Variants in TENM3 observed in about 807,000 individuals in gnomAD.
TENM3 encodes teneurin transmembrane protein 3, also known as teneurin-3.
Under a neutral mutation model 255.1 loss-of-function variants are expected in TENM3, and 63 were observed. The ratio of observed to expected loss-of-function variants is 0.25; its 90% confidence interval spans 0.20 to 0.30. The LOEUF is 0.30. Ranked by LOEUF, TENM3 falls within the 10% of genes least tolerant of loss-of-function variation. The pLI, the probability that TENM3 is intolerant of heterozygous loss-of-function variation, is 1.00. For synonymous variants in TENM3, 1,306 were observed against 1,322.3 expected (o/e 0.99, Z 0.27); for missense variants, 2,929 against 3,461.1 (o/e 0.85, Z 3.86).
chr4:182,347,788 G>A (rs750795199), intron 3 of TENM3, among the ~76,000 whole-genome samples: 2 of 152,112 alleles, frequency 1.3e-5, no homozygotes, highest in Non-Finnish European at 2.9e-5. Flanking sequence ...TTCTCCTTCC[G>A]CTTTTAATAT....
chr4:181,860,696 A>G, the TENM3 span, among the ~76,000 whole-genome samples: 6 of 152,354 alleles, frequency 3.9e-5, no homozygotes, highest in East Asian at 1.9e-4. Flanking sequence ...CACACATAAT[A>G]TAATATTTCA....
chr4:181,462,170 G>A, the TENM3 span, among the ~76,000 whole-genome samples: 1 of 152,168 alleles, frequency 6.6e-6, no homozygotes, highest in East Asian at 1.9e-4. Context: ...GTGTCATGAT[G>A]TCTTTCCTTT....
At chr4:182,324,306 TGTC>T (rs1699923938) in intron 2 of TENM3, 54 bp downstream of exon 2, 1 of 1,341,142 alleles carries the variant, frequency 7.5e-7, no homozygotes, top group Admixed American at 1.7e-5. Flanking sequence ...AACTTGTAGG[TGTC>T]GTGATTTTCC....
the TENM3 span, among the ~76,000 whole-genome samples, chr4:182,036,766 T>C: frequency 6.6e-6 from 1 of 152,200 alleles, no homozygotes; most frequent in African/African-American, 2.4e-5. Flanking sequence ...AAATGGCAAG[T>C]GAGCCCCTAA....
the TENM3 span, among the ~76,000 whole-genome samples, chr4:182,095,245 A>G: frequency 6.6e-6 from 1 of 152,224 alleles, no homozygotes. Flanking sequence ...ATGCAGTACA[A>G]TTCACAATGG....
the TENM3 span, among the ~76,000 whole-genome samples, chr4:181,772,999 C>A: frequency 2.6e-4 from 40 of 152,224 alleles, no homozygotes; most frequent in African/African-American, 7.2e-4. Flanking sequence ...GGCACCCCCC[C>A]AAAAAATATA....
Position 182,742,081 on chromosome 4 carries a change from A to G in TENM3, c.3380-1089A>G, listed in dbSNP as rs573359716. ...TATGCCGCTCTAAAGTCAAAGCAGC[A>G]GGTGGTGTATACAGATGATAACACA... On this transcript the variant is annotated intron_variant, in intron 18 of 27. Transcript: ENST00000511685. Among the ~76,000 whole-genome samples the G allele has an allele frequency of 2.6e-5, 4 of 152,358 alleles. No homozygotes were observed. The South Asian group carries it at 8.3e-4, about 32-fold the overall frequency.
chr4:181,737,087 G>C, the TENM3 span, among the ~76,000 whole-genome samples: 2 of 152,100 alleles, frequency 1.3e-5, no homozygotes, highest in African/African-American at 4.8e-5. Flanking sequence ...TCAGCTACCG[G>C]TAGTTCTTCA....
At chr4:181,844,092 G>A in the TENM3 span, among the ~76,000 whole-genome samples, 1 of 152,054 alleles carries the variant, frequency 6.6e-6, no homozygotes, top group Non-Finnish European at 1.5e-5. Context: ...AAGAGAGAAA[G>A]AGGGAAGGAT....
chr4:181,725,630 G>A, the TENM3 span, among the ~76,000 whole-genome samples: 1 of 151,776 alleles, frequency 6.6e-6, no homozygotes, highest in Non-Finnish European at 1.5e-5. Flanking sequence ...TTTTAGTAGA[G>A]ACGGAGTTTC....
the TENM3 span, among the ~76,000 whole-genome samples, chr4:181,795,914 C>A: frequency 6.6e-6 from 1 of 152,080 alleles, no homozygotes; most frequent in African/African-American, 2.4e-5. Flanking sequence ...AAAATGACTC[C>A]AATGGGCAAA....
At chr4:182,003,537 C>T in the TENM3 span, among the ~76,000 whole-genome samples, 338 of 152,190 alleles carry the variant, frequency 2.2e-3, 1 homozygote, top group African/African-American at 7.8e-3. Context: ...AACATTGTAG[C>T]TTCTCCCGTA....
intron 3 of TENM3, among the ~76,000 whole-genome samples, chr4:182,423,833 A>G (rs1771013855): frequency 6.6e-6 from 1 of 152,214 alleles, no homozygotes; most frequent in Non-Finnish European, 1.5e-5. Flanking sequence ...AAATATATTT[A>G]GATGTTTTCT....
At chr4:182,369,147 C>A (rs1766623397) in intron 3 of TENM3, among the ~76,000 whole-genome samples, 1 of 152,150 alleles carries the variant, frequency 6.6e-6, no homozygotes, top group Non-Finnish European at 1.5e-5. Flanking sequence ...TACTGTTCTT[C>A]AGAAAAACCA....
chr4:182,064,281 T>C, the TENM3 span, among the ~76,000 whole-genome samples: 2 of 151,956 alleles, frequency 1.3e-5, no homozygotes, highest in Non-Finnish European at 2.9e-5. Flanking sequence ...CCCTGAAAGC[T>C]AAACTAAGAA....
At chr4:182,506,965 A>G (rs938931365) in intron 3 of TENM3, among the ~76,000 whole-genome samples, 6 of 152,214 alleles carry the variant, frequency 3.9e-5, no homozygotes, top group African/African-American at 9.6e-5. Flanking sequence ...TCATAGGCAC[A>G]TACTATGGAA....
At chr4:181,813,915 G>A in the TENM3 span, among the ~76,000 whole-genome samples, 2 of 152,002 alleles carry the variant, frequency 1.3e-5, no homozygotes, top group Non-Finnish European at 2.9e-5. Flanking sequence ...GAAAATTACA[G>A]AACTTTCAAT....
At chr4:182,405,934 C>T (rs1769539006) in intron 3 of TENM3, among the ~76,000 whole-genome samples, 1 of 152,150 alleles carries the variant, frequency 6.6e-6, no homozygotes. Context: ...GATGAGCCAT[C>T]ACTGGAGATG....
At chr4:182,242,099 T>G (rs1405683723), upstream of TENM3, among the ~76,000 whole-genome samples, 3 of 147,022 alleles carry the variant, frequency 2.0e-5, no homozygotes, top group Admixed American at 2.0e-4. Context: ...TATATACATG[T>G]GCACAAGGTG....
Sources: gnomAD v4.1 joint callset for allele counts (sites outside exome capture counted in the v4.1 genomes callset) on GRCh38, gnomAD v4.1.1 for gene constraint, MANE v1.5 for transcripts, NCBI Gene and HGNC (gene_info 2026-07-23, HGNC 2026-07-21) for gene names.